ERC1: variants seen among roughly 807,000 people sequenced by gnomAD.
ERC1 encodes RAB6 interacting protein 2.
ERC1 carries 56 observed loss-of-function variants against 132.0 expected under a neutral mutation model. The ratio of observed to expected loss-of-function variants is 0.42; its 90% CI spans 0.34 to 0.53. ERC1 has a LOEUF of 0.53. ERC1 is among the 20% of genes least tolerant of loss of function. The pLI, the probability that ERC1 is intolerant of heterozygous loss-of-function variation, is 0.03. For missense variants in ERC1, 1,202 were observed against 1,349.9 expected, an observed-to-expected ratio of 0.89 and a Z score of 1.72; for synonymous variants, 478 against 476.1, an observed-to-expected ratio of 1.00 and a Z score of -0.05.
In ERC1 at chr12:1,171,542, C is replaced by T. The variant is rs1593931290; in HGVS notation, c.1738-8998C>T. 2.0e-5 allele frequency among the ~76,000 whole-genome samples: 3 copies of T among 152,054 alleles called. No individual in the cohort carries two copies. The South Asian group carries it at 6.2e-4, about 32-fold the overall frequency. On this transcript the variant is annotated intron_variant, in intron 8 of 18. Coordinates refer to ENST00000360905, the MANE Select transcript of ERC1 (RefSeq NM_178040.4). ...ACTGATTATGACCAGTTCATCCAGA[C>T]TGTATTTCTGCCATCAATACTGAAA...
At chr12:1,332,791 C>T (rs79026087) in intron 15 of ERC1, among the ~76,000 whole-genome samples, 6,419 of 152,230 alleles carry the variant, frequency 0.042, 158 homozygotes, top group South Asian at 0.086. Flanking sequence ...TTACTTGTTA[C>T]AGGTGGGGAA....
At chr12:1,159,847 C>T (rs1193473611) in intron 8 of ERC1, among the ~76,000 whole-genome samples, 3 of 152,154 alleles carry the variant, frequency 2.0e-5, no homozygotes, top group Admixed American at 6.5e-5. Context: ...CAGTGAAACT[C>T]ACTAACGTTC....
At chr12:1,050,636 ATT>A (rs1971782297) in intron 2 of ERC1, among the ~76,000 whole-genome samples, 1 of 152,226 alleles carries the variant, frequency 6.6e-6, no homozygotes, top group Admixed American at 6.5e-5. Flanking sequence ...AAATTGACTC[ATT>A]TTAAAAAACT....
At chr12:1,015,508 T>TG (rs1331451390) in intron 1 of ERC1, among the ~76,000 whole-genome samples, 1 of 152,224 alleles carries the variant, frequency 6.6e-6, no homozygotes, top group East Asian at 1.9e-4. Flanking sequence ...GTACAAACAA[T>TG]GCAATAATTG....
At position 1,328,251 on chromosome 12, in the gene ERC1, A is replaced by G. The variant is rs139178200; in HGVS notation, c.2780+38239A>G. Among the ~76,000 whole-genome samples, 627 of 152,122 alleles carry G rather than the reference A, an allele frequency of 4.1e-3. 1 individual carries two copies. Among genetic ancestry groups the G allele is most frequent in the Non-Finnish European group, 6.4e-3 (434 of 67,988 alleles). On this transcript the variant is annotated intron_variant, in intron 15 of 18. Coordinates refer to ENST00000360905, the MANE Select transcript of ERC1 (RefSeq NM_178040.4). The stretch of plus-strand genomic sequence containing the variant: ...AACCTCAACCTCCCAGGCTCAAGGA[A>G]TCCTCCTGCCTCAGCCTCCCAAGTA...
intron 8 of ERC1, among the ~76,000 whole-genome samples, chr12:1,150,343 C>T (rs1793240140): frequency 6.6e-6 from 1 of 152,094 alleles, no homozygotes; most frequent in African/African-American, 2.4e-5. Context: ...AACAGTAGAA[C>T]TAAAATATTT....
intron 15 of ERC1, among the ~76,000 whole-genome samples, chr12:1,297,756 A>G (rs1047483379): frequency 1.3e-5 from 2 of 151,762 alleles, no homozygotes; most frequent in Non-Finnish European, 2.9e-5. Flanking sequence ...CAGTTGATAC[A>G]TATAGAAAAT....
intron 8 of ERC1, among the ~76,000 whole-genome samples, chr12:1,174,900 G>A (rs1374309990): frequency 1.3e-5 from 2 of 152,124 alleles, no homozygotes; most frequent in Non-Finnish European, 1.5e-5. Flanking sequence ...ATTGTGTTCT[G>A]TATATACAGG....
At chr12:1,237,005 T>C in intron 13 of ERC1, 101 bp downstream of exon 13, 1 of 1,395,448 alleles carries the variant, frequency 7.2e-7, no homozygotes, top group Non-Finnish European at 9.8e-7. Context: ...TTTTTCTCTT[T>C]CTAACCCTGC....
chr12:1,383,114 C>A (rs1044194037), intron 16 of ERC1, among the ~76,000 whole-genome samples: 18 of 152,160 alleles, frequency 1.2e-4, no homozygotes, highest in Admixed American at 6.5e-4. Context: ...CGTCAAACTG[C>A]TGCCTTTTAT....
chr12:1,211,146 G>T (rs1401764043), intron 12 of ERC1, among the ~76,000 whole-genome samples: 2 of 151,088 alleles, frequency 1.3e-5, no homozygotes, highest in Non-Finnish European at 3.0e-5. Flanking sequence ...CTTTTAAATT[G>T]ATATATATAT....
At chr12:1,049,421 C>T (rs1971559681) in intron 2 of ERC1, among the ~76,000 whole-genome samples, 1 of 152,166 alleles carries the variant, frequency 6.6e-6, no homozygotes, top group Non-Finnish European at 1.5e-5. Flanking sequence ...CAAACCAAAA[C>T]CTGATGCCTG....
chr12:1,295,114 TA>T (rs2079815124), intron 15 of ERC1, among the ~76,000 whole-genome samples: 2 of 152,178 alleles, frequency 1.3e-5, no homozygotes, highest in Non-Finnish European at 2.9e-5. Flanking sequence ...AATGAGATTT[TA>T]AAAAAGCACG....
chr12:1,004,616 A>C (rs918038214), intron 1 of ERC1, among the ~76,000 whole-genome samples: 3 of 151,896 alleles, frequency 2.0e-5, no homozygotes, highest in Admixed American at 6.6e-5. Context: ...CGTGTTGGCC[A>C]GGCTGGTCTC....
intron 15 of ERC1, among the ~76,000 whole-genome samples, chr12:1,307,354 A>G (rs1332942206): frequency 5.3e-5 from 8 of 152,142 alleles, no homozygotes; most frequent in African/African-American, 1.9e-4. Flanking sequence ...TAATGAGTCC[A>G]CAGGCCCTGT....
chr12:1,489,177 T>A (rs1442324713), intron 18 of ERC1, among the ~76,000 whole-genome samples: 1 of 152,180 alleles, frequency 6.6e-6, no homozygotes, highest in African/African-American at 2.4e-5. Flanking sequence ...GGCTTCCCTT[T>A]TCGCAAGATC....
intron 11 of ERC1, among the ~76,000 whole-genome samples, chr12:1,183,878 G>C (rs572760996): frequency 1.3e-5 from 2 of 152,150 alleles, no homozygotes; most frequent in Admixed American, 1.3e-4. Context: ...GCTCATGCCT[G>C]TAATCCCAGC....
chr12:1,130,647 A>T (rs564404174), intron 7 of ERC1, among the ~76,000 whole-genome samples: 3 of 68,406 alleles, frequency 4.4e-5, no homozygotes, highest in African/African-American at 1.2e-4. Flanking sequence ...TTTTTTTTTA[A>T]ACTATGTACT....
At chr12:1,155,623 C>T (rs1016229179) in intron 8 of ERC1, among the ~76,000 whole-genome samples, 1 of 152,028 alleles carries the variant, frequency 6.6e-6, no homozygotes, top group African/African-American at 2.4e-5. Flanking sequence ...ACCACAGGCA[C>T]GTGCCACCAC....
Sources: gnomAD v4.1 joint callset for allele counts (sites outside exome capture counted in the v4.1 genomes callset) on GRCh38, gnomAD v4.1.1 for gene constraint, MANE v1.5 for transcripts, NCBI Gene and HGNC (gene_info 2026-07-23, HGNC 2026-07-21) for gene names.